The following INSC variants were observed in gnomAD, a reference collection of about 807,000 sequenced individuals.
The protein encoded by INSC is protein inscuteable homolog.
Under a neutral mutation model 58.6 loss-of-function variants are expected in INSC, and 67 were observed. The observed-to-expected ratio is 1.14, with a 90% CI of 0.94 to 1.40. The LOEUF (loss-of-function observed/expected upper bound fraction) is 1.40, where lower values mean the gene tolerates loss of function less well. INSC is among the 40% of genes most tolerant of loss of function. The pLI is 0.00. For synonymous variants in INSC, 262 were observed against 276.1 expected, an observed-to-expected ratio of 0.95 and a Z score of 0.51; for missense variants, 714 against 692.0, an observed-to-expected ratio of 1.03 and a Z score of -0.36.
chr11:15,199,780 C>G (rs1183454521), intron 6 of INSC, among the ~76,000 whole-genome samples: 3 of 152,172 alleles, frequency 2.0e-5, no homozygotes, highest in Non-Finnish European at 1.5e-5. Flanking sequence ...CTGCTGCCAA[C>G]CCTAGGCACC....
chr11:15,259,372 A>G, the INSC span, among the ~76,000 whole-genome samples: 4 of 152,200 alleles, frequency 2.6e-5, no homozygotes, highest in African/African-American at 7.2e-5. Context: ...AAAGAATTCT[A>G]TTGTGGTATG....
In INSC at chr11:15,195,628, A is replaced by G. The variant is rs571174993; in HGVS notation, c.693+4814A>G. On this transcript the variant is annotated intron_variant, in intron 6 of 12. Transcript: ENST00000379556. ...GAGACATGCATTTGGTTGTAAGCCA[A>G]GATGATGTTTGACCTCCTGCAGATT... Among the ~76,000 whole-genome samples the G allele has an allele frequency of 2.6e-5, 4 of 152,348 alleles. No homozygotes were observed. The South Asian group carries it at 6.2e-4, about 24-fold the overall frequency.
chr11:15,157,205 T>C (rs773081861), intron 2 of INSC, among the ~76,000 whole-genome samples: 3 of 152,172 alleles, frequency 2.0e-5, no homozygotes, highest in Non-Finnish European at 4.4e-5. Context: ...ACAATCTTAA[T>C]AGCATCAACT....
chr11:15,116,690 G>A (rs1044514340), intron 1 of INSC, among the ~76,000 whole-genome samples: 1 of 152,032 alleles, frequency 6.6e-6, no homozygotes, highest in African/African-American at 2.4e-5. Context: ...TAGAAAGATG[G>A]TATTGAGCTT....
intron 2 of INSC, among the ~76,000 whole-genome samples, chr11:15,165,340 G>T (rs952617549): frequency 8.5e-5 from 13 of 152,142 alleles, no homozygotes; most frequent in Admixed American, 7.8e-4. Context: ...AACACTTAGA[G>T]TATTACCCAT....
intron 6 of INSC, among the ~76,000 whole-genome samples, chr11:15,199,571 C>A (rs1261375322): frequency 6.6e-6 from 1 of 152,186 alleles, no homozygotes; most frequent in Non-Finnish European, 1.5e-5. Flanking sequence ...CTGAGCCTGG[C>A]ACATAATAGG....
At chr11:15,140,378 C>T (rs959253163) in intron 1 of INSC, among the ~76,000 whole-genome samples, 10 of 152,146 alleles carry the variant, frequency 6.6e-5, no homozygotes, top group African/African-American at 2.4e-4. Context: ...CCCAGTTTTA[C>T]AGGTGGAGAA....
At chr11:15,178,580 C>A in intron 5 of INSC, 133 bp downstream of exon 5, 1 of 1,100,464 alleles carries the variant, frequency 9.1e-7, no homozygotes, top group Non-Finnish European at 1.3e-6. Flanking sequence ...CTCAAACCAC[C>A]AAAGTCAACT....
intron 12 of INSC, among the ~76,000 whole-genome samples, chr11:15,242,346 G>C (rs573832534): frequency 6.6e-6 from 1 of 152,178 alleles, no homozygotes; most frequent in Non-Finnish European, 1.5e-5. Context: ...CTTTCAAGCC[G>C]AAAAAGGATT....
intron 4 of INSC, among the ~76,000 whole-genome samples, chr11:15,178,104 G>A (rs935799921): frequency 6.6e-6 from 1 of 152,166 alleles, no homozygotes; most frequent in African/African-American, 2.4e-5. Flanking sequence ...CTTTCTTCCT[G>A]TTGATGTGGA....
chr11:15,256,341 C>T, the INSC span, among the ~76,000 whole-genome samples: 2 of 152,144 alleles, frequency 1.3e-5, no homozygotes, highest in Non-Finnish European at 2.9e-5. Context: ...AATGAACTTA[C>T]TTATACTTCT....
chr11:15,151,435 A>C (rs893332986), intron 2 of INSC, among the ~76,000 whole-genome samples: 18 of 152,160 alleles, frequency 1.2e-4, no homozygotes, highest in Non-Finnish European at 2.1e-4. Context: ...CCAGGTAGTG[A>C]AAACGATACA....
At chr11:15,181,936 C>T (rs1459616578) in intron 5 of INSC, among the ~76,000 whole-genome samples, 1 of 152,076 alleles carries the variant, frequency 6.6e-6, no homozygotes, top group East Asian at 1.9e-4. Context: ...CCCAAATTCT[C>T]AGGTTAGTAC....
intron 2 of INSC, among the ~76,000 whole-genome samples, chr11:15,168,164 G>T (rs1849268280): frequency 6.6e-6 from 1 of 152,118 alleles, no homozygotes; most frequent in African/African-American, 2.4e-5. Context: ...GTGCAGGTTT[G>T]TTATATAGGT....
At chr11:15,155,500 G>A (rs1033192221) in intron 2 of INSC, among the ~76,000 whole-genome samples, 11 of 152,208 alleles carry the variant, frequency 7.2e-5, no homozygotes, top group Non-Finnish European at 1.3e-4. Context: ...TGTAGGTAGA[G>A]GGAGTATGTC....
rs1459949270 is a variant in INSC, at chr11:15,146,248, T to C, written c.-45-2882T>C. ...TTCCTCATCCCTAGTGAAAATGAGCTGTGATTCCTCTGAGAGGTAATCTGA... is the reference window on the plus strand; with the variant it reads ...TTCCTCATCCCTAGTGAAAATGAGCCGTGATTCCTCTGAGAGGTAATCTGA... On this transcript the variant is annotated intron_variant, in intron 1 of 12. Coordinates refer to ENST00000379556, the MANE Select transcript of INSC (RefSeq NM_001042536.3). Among the ~76,000 whole-genome samples the C allele has an allele frequency of 2.0e-5, 3 of 152,258 alleles. No homozygotes were observed. In the East Asian group the frequency reaches 5.8e-4, roughly 29 times the overall value.
At chr11:15,181,371 A>C (rs1849771596) in intron 5 of INSC, among the ~76,000 whole-genome samples, 2 of 152,230 alleles carry the variant, frequency 1.3e-5, no homozygotes, top group South Asian at 4.1e-4. Flanking sequence ...TTCTTTTAGC[A>C]CTAAGAAGTC....
intron 2 of INSC, among the ~76,000 whole-genome samples, chr11:15,170,684 A>G (rs1849366067): frequency 6.6e-6 from 1 of 152,164 alleles, no homozygotes; most frequent in African/African-American, 2.4e-5. Flanking sequence ...TTCTTTGGAA[A>G]TGATTCACTA....
intron 7 of INSC, among the ~76,000 whole-genome samples, chr11:15,207,261 G>T (rs1850840341): frequency 6.6e-6 from 1 of 152,216 alleles, no homozygotes; most frequent in African/African-American, 2.4e-5. Flanking sequence ...AAAGACCAGA[G>T]ACGGCCTCAC....
Sources: gnomAD v4.1 joint callset for allele counts (sites outside exome capture counted in the v4.1 genomes callset) on GRCh38, gnomAD v4.1.1 for gene constraint, MANE v1.5 for transcripts, NCBI Gene and HGNC (gene_info 2026-07-23, HGNC 2026-07-21) for gene names.